The following TESK2 variants were observed in gnomAD, a reference collection of about 807,000 sequenced individuals.
TESK2 encodes testis associated actin remodelling kinase 2, also known as dual specificity testis-specific protein kinase 2.
In TESK2, 39 loss-of-function variants were observed where a neutral mutation model predicts 57.1. The ratio of observed to expected loss-of-function variants is 0.68; its 90% CI spans 0.53 to 0.89. TESK2 has a LOEUF of 0.89. Ranked by LOEUF, TESK2 falls within the 40% of genes least tolerant of loss-of-function variation. TESK2 has a pLI of 0.00. For synonymous variants in TESK2, 249 were observed against 267.9 expected (o/e 0.93, Z 0.69); for missense variants, 646 against 732.1 (o/e 0.88, Z 1.36).
chr1:45,348,517 T>A (rs1421417473), intron 5 of TESK2, among the ~76,000 whole-genome samples: 1 of 152,220 alleles, frequency 6.6e-6, no homozygotes, highest in Non-Finnish European at 1.5e-5. Context: ...TAAAAGTCTA[T>A]GATCTGGCTT....
intron 1 of TESK2, among the ~76,000 whole-genome samples, chr1:45,486,827 ATTTT>A (rs1383856104): frequency 7.1e-6 from 1 of 141,308 alleles, no homozygotes; most frequent in African/African-American, 2.6e-5. Context: ...ACATATATAC[ATTTT>A]TTTTTTTTGA....
intron 3 of TESK2, among the ~76,000 whole-genome samples, chr1:45,392,716 A>T (rs1003321930): frequency 4.1e-4 from 63 of 151,894 alleles, no homozygotes; most frequent in Non-Finnish European, 6.3e-4. Context: ...AAAAAAAAAA[A>T]ATTTATTTTT....
At chr1:45,423,041 G>A (rs897639628) in intron 2 of TESK2, among the ~76,000 whole-genome samples, 5 of 151,810 alleles carry the variant, frequency 3.3e-5, no homozygotes, top group African/African-American at 4.8e-5. Flanking sequence ...CACCGTGCCT[G>A]GCCTGTTTTT....
intron 4 of TESK2, among the ~76,000 whole-genome samples, chr1:45,368,818 G>A (rs2149269404): frequency 6.6e-6 from 1 of 151,054 alleles, no homozygotes; most frequent in African/African-American, 2.4e-5. Context: ...GCGCCATCTT[G>A]GCTCACTGCA....
chr1:45,404,701 G>A (rs567989786), intron 3 of TESK2, among the ~76,000 whole-genome samples: 31 of 151,828 alleles, frequency 2.0e-4, no homozygotes, highest in Middle Eastern at 3.4e-3. Context: ...GCGCCACCAC[G>A]CCGGGCTATT....
chr1:45,429,466 T>C (rs1570721300), intron 2 of TESK2, among the ~76,000 whole-genome samples: 1 of 152,268 alleles, frequency 6.6e-6, no homozygotes, highest in African/African-American at 2.4e-5. Context: ...AGTAAGGATA[T>C]GGAACATTTC....
chr1:45,434,750 C>T (rs1440539556), intron 2 of TESK2, among the ~76,000 whole-genome samples: 1 of 151,944 alleles, frequency 6.6e-6, no homozygotes, highest in Non-Finnish European at 1.5e-5. Context: ...ATATTAGCCC[C>T]TTTTTGGATA....
intron 1 of TESK2, among the ~76,000 whole-genome samples, chr1:45,483,551 C>T (rs2149308786): frequency 6.6e-6 from 1 of 150,834 alleles, no homozygotes; most frequent in Admixed American, 6.6e-5. Context: ...TGAGCTGTGC[C>T]ATTGCACTAC....
intron 3 of TESK2, among the ~76,000 whole-genome samples, chr1:45,396,150 C>T (rs1351015308): frequency 1.3e-5 from 2 of 151,878 alleles, no homozygotes; most frequent in African/African-American, 4.8e-5. Flanking sequence ...CTTGCTCTGT[C>T]ACCCAGGCTA....
intron 1 of TESK2, among the ~76,000 whole-genome samples, chr1:45,464,749 T>C (rs1652474158): frequency 6.6e-6 from 1 of 152,176 alleles, no homozygotes; most frequent in African/African-American, 2.4e-5. Context: ...ACAGAATTGC[T>C]CATTGCAGCT....
At chr1:45,388,247 C>T (rs532770720) in intron 3 of TESK2, among the ~76,000 whole-genome samples, 100 of 152,200 alleles carry the variant, frequency 6.6e-4, no homozygotes, top group Non-Finnish European at 4.6e-4. Context: ...ATAAATTATG[C>T]AGAATGTGGT....
At position 45,421,782 on chromosome 1, in the gene TESK2, G is replaced by A; in HGVS notation, c.287C>T (p.Ala96Val). ...GAGCTGTACTTCTTTCAGCATGTTT[G>A]CCCGGTTACTGCTCAATGTGTTCAT... ...LKMNTLSSNR[A>V]NMLKEVQLMN... The change falls in exon 3 of 11, where the codon GCA becomes GTA. Residue 96 changes from alanine (A) to valine (V), a missense_variant. Transcript: ENST00000372086. 1 of 1,614,036 alleles carries A rather than the reference G, an allele frequency of 6.2e-7. No homozygotes were observed. Among genetic ancestry groups the A allele is most frequent in the South Asian group, 1.1e-5 (1 of 91,080 alleles).
Position 45,347,058 on chromosome 1 carries a change from TCTGCCTGGTGGGTAGTCGG to T in TESK2, c.709-15_712del. Reference sequence around the variant, plus strand: ...GAGGATGATACCATAAGAGAACACATCTGCCTGGTGGGTAGTCGGACTTTGGTTTCCCTCTTAATGGGTT... The same window carrying T: ...GAGGATGATACCATAAGAGAACACATACTTTGGTTTCCCTCTTAATGGGTT... On this transcript the variant is annotated splice_acceptor_variant and splice_polypyrimidine_tract_variant and coding_sequence_variant and intron_variant, in exon 8 of 11. Transcript: ENST00000372086. LOFTEE classifies it high-confidence loss of function. 1.2e-6 allele frequency: 2 copies of T among 1,614,108 alleles called. No individual in the cohort carries two copies. The highest frequency in any genetic ancestry group is 1.7e-6 in the Non-Finnish European group (2 of 1,180,006).
At position 45,485,064 on chromosome 1, in the gene TESK2, A is replaced by G. The variant is rs144764072; in HGVS notation, c.-87+5788T>C. ...TAAATTAATTAATTAAATCAAATTA[A>G]ATTAAAAATAAAAAATAAAGTCTAA... On this transcript the variant is annotated intron_variant, in intron 1 of 10. Transcript: ENST00000372086. Among the ~76,000 whole-genome samples, 999 of 152,172 alleles carry G rather than the reference A, an allele frequency of 6.6e-3. 6 individuals carry two copies. Among genetic ancestry groups the G allele is most frequent in the Middle Eastern group, 0.01 (3 of 294 alleles).
In TESK2 at chr1:45,429,267, G is replaced by T. The variant is rs375656241; in HGVS notation, c.223-7421C>A. 8.5e-5 allele frequency among the ~76,000 whole-genome samples: 13 copies of T among 152,194 alleles called. No individual in the cohort carries two copies. The East Asian group carries it at 2.5e-3, about 30-fold the overall frequency. ...CAAAATTAGCCAGGCGTGATGGTGC[G>T]TGTCTGTAGTCCCAGCTACCTGGGA... is the stretch of plus-strand genomic sequence containing the variant. On this transcript the variant is annotated intron_variant, in intron 2 of 10. Transcript: ENST00000372086.
intron 1 of TESK2, among the ~76,000 whole-genome samples, chr1:45,488,729 C>G (rs1653586167): frequency 6.6e-6 from 1 of 152,206 alleles, no homozygotes; most frequent in Non-Finnish European, 1.5e-5. Context: ...CTCTCCTTCA[C>G]AACCAAACTC....
chr1:45,364,612 A>G (rs139959848), intron 4 of TESK2, among the ~76,000 whole-genome samples: 67 of 152,338 alleles, frequency 4.4e-4, no homozygotes, highest in African/African-American at 1.6e-3. Context: ...TGCATTTTAG[A>G]AAGATCATTC....
At chr1:45,389,988 A>C (rs1649069731) in intron 3 of TESK2, among the ~76,000 whole-genome samples, 2 of 152,224 alleles carry the variant, frequency 1.3e-5, no homozygotes, top group African/African-American at 4.8e-5. Context: ...TTCTGCCTAC[A>C]GAATAACATT....
intron 3 of TESK2, among the ~76,000 whole-genome samples, chr1:45,410,116 A>G (rs983896300): frequency 1.3e-5 from 2 of 151,968 alleles, no homozygotes; most frequent in Non-Finnish European, 2.9e-5. Flanking sequence ...AGATCATGCC[A>G]CTGTACTCCA....
Sources: allele counts gnomAD v4.1 joint callset (sites outside exome capture counted in the v4.1 genomes callset), GRCh38; gene constraint gnomAD v4.1.1; transcripts MANE v1.5; gene names NCBI Gene and HGNC (gene_info 2026-07-23, HGNC 2026-07-21).